The following CCSER1 variants were observed in gnomAD, a reference collection of about 807,000 sequenced individuals.
The protein encoded by CCSER1 is serine-rich coiled-coil domain-containing protein 1.
CCSER1 carries 41 observed loss-of-function variants against 82.0 expected under a neutral mutation model. The ratio of observed to expected loss-of-function variants is 0.50; its 90% CI spans 0.39 to 0.65. CCSER1 has a LOEUF of 0.65. Among genes scored for constraint, CCSER1 ranks in the 30% least tolerant of loss-of-function variants. The probability of loss-of-function intolerance (pLI) is 0.00; values close to 1 mark genes in which losing one functional copy is unlikely to be tolerated. For synonymous variants in CCSER1, 414 were observed against 383.9 expected, an observed-to-expected ratio of 1.08 and a Z score of -0.92; for missense variants, 1,119 against 1,064.2, an observed-to-expected ratio of 1.05 and a Z score of -0.72.
At chr4:91,406,678 A>C (rs1752722351) in intron 10 of CCSER1, among the ~76,000 whole-genome samples, 1 of 152,228 alleles carries the variant, frequency 6.6e-6, no homozygotes, top group South Asian at 2.1e-4. Flanking sequence ...CTGGTACATA[A>C]ATAAAAGACT....
intron 10 of CCSER1, among the ~76,000 whole-genome samples, chr4:91,559,163 A>AT (rs780172874): frequency 7.4e-4 from 112 of 151,412 alleles, no homozygotes; most frequent in Non-Finnish European, 1.4e-3. Context: ...TGGAAATCCC[A>AT]TTTTTTTTGA....
At chr4:91,526,265 G>A (rs1020025872) in intron 10 of CCSER1, among the ~76,000 whole-genome samples, 2 of 152,158 alleles carry the variant, frequency 1.3e-5, no homozygotes, top group Admixed American at 1.3e-4. Flanking sequence ...GTGGATTCCA[G>A]ATCTTTGGAT....
At chr4:90,428,800 A>G (rs1232114365) in intron 4 of CCSER1, among the ~76,000 whole-genome samples, 1 of 151,886 alleles carries the variant, frequency 6.6e-6, no homozygotes, top group Non-Finnish European at 1.5e-5. Flanking sequence ...AGTAAACATT[A>G]TGAACATCAG....
chr4:90,441,474 G>C lies in CCSER1; in HGVS notation c.1604-26760G>C, dbSNP rs947493870. 2.0e-5 allele frequency among the ~76,000 whole-genome samples: 3 copies of C among 151,988 alleles called. No homozygotes were observed. In the South Asian group the frequency reaches 6.2e-4, roughly 32 times the overall value. On this transcript the variant is annotated intron_variant, in intron 4 of 10. Transcript: ENST00000509176. ...GGAAAGAAAGAACAATCTCTCTGGGGTCTTTTTTTTAAGGGCACTAATTCC... is the reference window on the plus strand; with the variant it reads ...GGAAAGAAAGAACAATCTCTCTGGGCTCTTTTTTTTAAGGGCACTAATTCC...
chr4:91,599,588 A>T lies in CCSER1; in HGVS notation c.*531A>T, dbSNP rs983983390. 1 of 152,190 alleles carries T rather than the reference A, an allele frequency of 6.6e-6. No individual in the cohort carries two copies. The highest frequency in any genetic ancestry group is 1.5e-5 in the Non-Finnish European group (1 of 68,092). The allele number at this position is 152,190 out of a possible 1,614,324, so 9.4% of individuals were successfully genotyped here. A position where few individuals can be genotyped will look rare whatever the true frequency, so the allele number is the denominator to read the frequency against. On this transcript the variant is annotated 3_prime_UTR_variant, in exon 11 of 11. Transcript: ENST00000509176. ...TGGCTTGCTTGCATGTAACCTAGAG[A>T]TGTGTTTGTCTCTATTACATACATT...
intron 9 of CCSER1, among the ~76,000 whole-genome samples, chr4:90,944,655 C>A (rs1000107638): frequency 1.3e-5 from 2 of 152,174 alleles, no homozygotes; most frequent in African/African-American, 4.8e-5. Context: ...GAGTGCCATG[C>A]TCATAAATCC....
intron 1 of CCSER1, among the ~76,000 whole-genome samples, chr4:90,152,902 T>C (rs1019001074): frequency 2.6e-5 from 4 of 151,770 alleles, no homozygotes; most frequent in Non-Finnish European, 5.9e-5. Flanking sequence ...TTTATTATTA[T>C]ACTTTGAGTT....
At chr4:90,464,701 G>A (rs931968803) in intron 4 of CCSER1, among the ~76,000 whole-genome samples, 12 of 152,074 alleles carry the variant, frequency 7.9e-5, no homozygotes, top group Non-Finnish European at 1.0e-4. Flanking sequence ...GGAAATAATC[G>A]GGAAAAATGT....
chr4:90,514,525 G>A (rs1331557372), intron 5 of CCSER1, among the ~76,000 whole-genome samples: 2 of 152,116 alleles, frequency 1.3e-5, no homozygotes, highest in Non-Finnish European at 2.9e-5. Flanking sequence ...GGAGGCCAAG[G>A]TGGGTGGATC....
At chr4:91,524,372 T>C (rs372323825) in intron 10 of CCSER1, among the ~76,000 whole-genome samples, 1 of 152,304 alleles carries the variant, frequency 6.6e-6, no homozygotes, top group East Asian at 1.9e-4. Context: ...TTTCAGTTCT[T>C]TTGAATAAAA....
At chr4:90,626,678 T>C (rs924266192) in intron 5 of CCSER1, among the ~76,000 whole-genome samples, 4 of 152,166 alleles carry the variant, frequency 2.6e-5, no homozygotes, top group Non-Finnish European at 5.9e-5. Flanking sequence ...CAATGTCTTT[T>C]GTTAGCTGTG....
At chr4:90,824,393 G>A (rs1388738650) in intron 8 of CCSER1, among the ~76,000 whole-genome samples, 2 of 151,990 alleles carry the variant, frequency 1.3e-5, no homozygotes, top group Non-Finnish European at 2.9e-5. Flanking sequence ...AAAATTGAAG[G>A]CAGTTGAAAA....
chr4:90,159,583 C>T (rs1489742599), intron 1 of CCSER1, among the ~76,000 whole-genome samples: 1 of 152,132 alleles, frequency 6.6e-6, no homozygotes, highest in South Asian at 2.1e-4. Flanking sequence ...AATTAGTTCT[C>T]CATGGATCTA....
At chr4:91,235,300 T>C (rs989609898) in intron 10 of CCSER1, among the ~76,000 whole-genome samples, 1 of 152,146 alleles carries the variant, frequency 6.6e-6, no homozygotes, top group Non-Finnish European at 1.5e-5. Flanking sequence ...TATAGTTTTA[T>C]GTAAGTTACT....
intron 9 of CCSER1, among the ~76,000 whole-genome samples, chr4:91,080,618 G>A (rs1722599852): frequency 6.6e-6 from 1 of 152,108 alleles, no homozygotes; most frequent in Non-Finnish European, 1.5e-5. Flanking sequence ...AAAAATCAAT[G>A]AATCCTGGAG....
chr4:91,332,319 T>C (rs561977801), intron 10 of CCSER1, among the ~76,000 whole-genome samples: 14 of 151,992 alleles, frequency 9.2e-5, no homozygotes, highest in African/African-American at 3.1e-4. Context: ...ATATTATCCC[T>C]CTCATTGTCA....
chr4:91,605,101 A>T lies in CCSER1; in HGVS notation c.*6044A>T, dbSNP rs1184320821. ...TAATAAATAGAAAATTACCCTGGAA[A>T]TTAAAATTTTTAGCAATATTGAATA... On this transcript the variant is annotated 3_prime_UTR_variant, in exon 11 of 11. Coordinates refer to ENST00000509176, the MANE Select transcript of CCSER1 (RefSeq NM_001145065.2). 1 of 152,052 alleles carries T rather than the reference A, an allele frequency of 6.6e-6. No homozygotes were observed. Among genetic ancestry groups the T allele is most frequent in the Non-Finnish European group, 1.5e-5 (1 of 67,942 alleles). The allele number at this position is 152,052 out of a possible 1,614,324, so 9.4% of individuals were successfully genotyped here.
At chr4:90,870,617 T>C (rs1327414932) in intron 8 of CCSER1, among the ~76,000 whole-genome samples, 1 of 151,876 alleles carries the variant, frequency 6.6e-6, no homozygotes, top group Admixed American at 6.6e-5. Flanking sequence ...TTTACATCAA[T>C]GTTTTTCAGA....
At chr4:90,945,924 C>T (rs1732185202) in intron 9 of CCSER1, among the ~76,000 whole-genome samples, 1 of 151,840 alleles carries the variant, frequency 6.6e-6, no homozygotes, top group Non-Finnish European at 1.5e-5. Flanking sequence ...ATATGATTTC[C>T]TTTTACAAGA....
Sources: allele counts gnomAD v4.1 joint callset (sites outside exome capture counted in the v4.1 genomes callset), GRCh38; gene constraint gnomAD v4.1.1; transcripts MANE v1.5; gene names NCBI Gene and HGNC (gene_info 2026-07-23, HGNC 2026-07-21).